Variants in GABRB2 observed in about 807,000 individuals in gnomAD.
GABRB2 encodes the protein gamma-aminobutyric acid receptor subunit beta-2.
A neutral mutation model predicts 54.7 loss-of-function variants in GABRB2; 16 were observed. The ratio of observed to expected loss-of-function variants is 0.29; its 90% confidence interval spans 0.20 to 0.44. The LOEUF (loss-of-function observed/expected upper bound fraction) is 0.44. GABRB2 is among the 20% of genes least tolerant of loss of function. The pLI is 1.00. For missense variants in GABRB2, 355 were observed against 644.0 expected, an observed-to-expected ratio of 0.55 and a Z score of 4.86; for synonymous variants, 244 against 233.8, an observed-to-expected ratio of 1.04 and a Z score of -0.40.
intron 5 of GABRB2, among the ~76,000 whole-genome samples, chr5:161,361,600 C>A (rs1231834737): frequency 6.6e-6 from 1 of 152,062 alleles, no homozygotes; most frequent in Admixed American, 6.6e-5. Flanking sequence ...GGAAAAAAGA[C>A]AAGAGAATTT....
intron 5 of GABRB2, among the ~76,000 whole-genome samples, chr5:161,406,154 T>A (rs1296341215): frequency 6.6e-6 from 1 of 152,118 alleles, no homozygotes. Flanking sequence ...CATGAAGGGA[T>A]TATATTTATA....
At chr5:161,530,474 G>A (rs1481257903) in intron 3 of GABRB2, among the ~76,000 whole-genome samples, 1 of 152,030 alleles carries the variant, frequency 6.6e-6, no homozygotes, top group East Asian at 1.9e-4. Context: ...GTACAATTAT[G>A]ATATTAAAAC....
At chr5:161,451,618 A>C (rs1757789761) in intron 4 of GABRB2, among the ~76,000 whole-genome samples, 1 of 152,184 alleles carries the variant, frequency 6.6e-6, no homozygotes. Context: ...CAAATAGTCC[A>C]TCTTATATAA....
intron 5 of GABRB2, among the ~76,000 whole-genome samples, chr5:161,374,116 G>A (rs543144425): frequency 1.3e-5 from 2 of 151,998 alleles, no homozygotes; most frequent in African/African-American, 2.4e-5. Context: ...TGCTAATTTT[G>A]TATTTCTAGT....
At chr5:161,371,456 A>T (rs1452572559) in intron 5 of GABRB2, among the ~76,000 whole-genome samples, 2 of 152,162 alleles carry the variant, frequency 1.3e-5, no homozygotes, top group Non-Finnish European at 2.9e-5. Flanking sequence ...ACCAGAAATG[A>T]AAAAGCTTAT....
chr5:161,465,348 T>C (rs1159681685), intron 3 of GABRB2, among the ~76,000 whole-genome samples: 3 of 152,104 alleles, frequency 2.0e-5, no homozygotes, highest in African/African-American at 4.8e-5. Context: ...AAGGCCACCA[T>C]AATGGTTATA....
intron 3 of GABRB2, among the ~76,000 whole-genome samples, chr5:161,505,722 C>A (rs139828599): frequency 2.0e-5 from 3 of 151,976 alleles, no homozygotes; most frequent in African/African-American, 7.3e-5. Flanking sequence ...TCAGAGAAAA[C>A]GTGGCAAAAT....
rs374151090 is a variant in GABRB2, at chr5:161,389,838, T to C, written c.541+21137A>G. Among the ~76,000 whole-genome samples, 20 of 151,986 alleles carry C rather than the reference T, an allele frequency of 1.3e-4. No individual in the cohort carries two copies. The East Asian group carries it at 1.7e-3, about 13-fold the overall frequency. On this transcript the variant is annotated intron_variant, in intron 5 of 9. Coordinates refer to ENST00000393959, the MANE Select transcript of GABRB2 (RefSeq NM_001371727.1). ...ACAAATTACCCCAAACCTGAAGTTT[T>C]ATTTCTTAATGAGTAAACAGGATGG...
chr5:161,483,723 T>A (rs961906819), intron 3 of GABRB2, among the ~76,000 whole-genome samples: 2 of 151,942 alleles, frequency 1.3e-5, no homozygotes, highest in Admixed American at 6.6e-5. Context: ...AAATACAGCA[T>A]AAAATAAATA....
chr5:161,497,697 C>T (rs1054788983), intron 3 of GABRB2, among the ~76,000 whole-genome samples: 7 of 152,076 alleles, frequency 4.6e-5, no homozygotes, highest in African/African-American at 1.7e-4. Flanking sequence ...TCACAAGATC[C>T]CTTAGCTACT....
At chr5:161,455,302 C>T (rs1046351833) in intron 4 of GABRB2, among the ~76,000 whole-genome samples, 1 of 152,118 alleles carries the variant, frequency 6.6e-6, no homozygotes, top group African/African-American at 2.4e-5. Flanking sequence ...ATCAGCCTGG[C>T]TATCCGTGAT....
In GABRB2 at chr5:161,289,130, ACTT is replaced by A. The variant is rs1198846943; in HGVS notation, c.*4948_*4950del. The A allele has an allele frequency of 5.3e-5, 8 of 151,898 alleles. No individual in the cohort carries two copies. The highest frequency in any genetic ancestry group is 1.5e-5 in the Non-Finnish European group (1 of 67,996). 9.4% of individuals were successfully genotyped at this position (151,898 alleles called of 1,614,324 possible). A position where few individuals can be genotyped will look rare whatever the true frequency, so the allele number is the denominator to read the frequency against. Reference sequence around the variant, plus strand: ...CATATTGATCTTCATCACAAATAAAACTTCTTTAAGCAAATTAAAATTTGATGT... The same window carrying A: ...CATATTGATCTTCATCACAAATAAAACTTTAAGCAAATTAAAATTTGATGT... On this transcript the variant is annotated 3_prime_UTR_variant, in exon 10 of 10. Transcript: ENST00000393959.
In GABRB2 at chr5:161,294,333, G is replaced by A; in HGVS notation, c.1287C>T (p.Ser429=). The A allele has an allele frequency of 6.2e-7, 1 of 1,614,110 alleles. No homozygotes were observed. Among genetic ancestry groups the A allele is most frequent in the Non-Finnish European group, 8.5e-7 (1 of 1,179,996 alleles). ...TGGAGGCATCATAGGCTAGCATTGT[G>A]CTTCTGGGGTCTCCAAGTCCCATCA... ...EAVMGLGDPR[S]TMLAYDASSI... Residue 429 remains serine (S), a synonymous_variant, in exon 10 of 10, where the codon AGC becomes AGT. Coordinates refer to ENST00000393959, the MANE Select transcript of GABRB2 (RefSeq NM_001371727.1).
intron 3 of GABRB2, among the ~76,000 whole-genome samples, chr5:161,474,632 A>C (rs1031798415): frequency 6.6e-6 from 1 of 151,912 alleles, no homozygotes; most frequent in Admixed American, 6.6e-5. Flanking sequence ...GTGTTCTGCT[A>C]TTCCCCTTTT....
At chr5:161,500,463 G>C (rs754632225) in intron 3 of GABRB2, among the ~76,000 whole-genome samples, 1 of 152,066 alleles carries the variant, frequency 6.6e-6, no homozygotes, top group Admixed American at 6.6e-5. Flanking sequence ...TGTATATTAA[G>C]TGCCTATTAT....
intron 4 of GABRB2, among the ~76,000 whole-genome samples, chr5:161,445,091 C>A (rs919013965): frequency 2.0e-5 from 3 of 152,092 alleles, no homozygotes; most frequent in African/African-American, 7.2e-5. Context: ...TTTAAATTGG[C>A]TCTTGTAGGA....
intron 3 of GABRB2, among the ~76,000 whole-genome samples, chr5:161,506,580 A>T (rs1281560663): frequency 6.6e-6 from 1 of 152,154 alleles, no homozygotes; most frequent in East Asian, 1.9e-4. Context: ...TTTATATATT[A>T]TCTATGGCTA....
intron 3 of GABRB2, among the ~76,000 whole-genome samples, chr5:161,518,007 C>T (rs763416750): frequency 6.6e-6 from 1 of 151,986 alleles, no homozygotes; most frequent in African/African-American, 2.4e-5. Flanking sequence ...TCGGGGTTTC[C>T]CCGTGTTACT....
intron 9 of GABRB2, among the ~76,000 whole-genome samples, chr5:161,313,939 A>G (rs1757950063): frequency 6.6e-6 from 1 of 152,202 alleles, no homozygotes; most frequent in Non-Finnish European, 1.5e-5. Flanking sequence ...TAGTTTAATA[A>G]ATATTTGCTG....
Sources: gnomAD v4.1 joint callset for allele counts (sites outside exome capture counted in the v4.1 genomes callset) on GRCh38, gnomAD v4.1.1 for gene constraint, MANE v1.5 for transcripts, NCBI Gene and HGNC (gene_info 2026-07-23, HGNC 2026-07-21) for gene names.